The following ZNF606 variants were observed in gnomAD, a reference collection of about 807,000 sequenced individuals.
The protein encoded by ZNF606 is zinc finger protein 606.
Under a neutral mutation model 74.9 loss-of-function variants are expected in ZNF606, and 37 were observed. That is an observed-to-expected ratio of 0.49 (90% CI 0.38 to 0.65). The LOEUF (loss-of-function observed/expected upper bound fraction) is 0.65. ZNF606 is among the 30% of genes least tolerant of loss of function. ZNF606 has a pLI of 0.00. For synonymous variants in ZNF606, 328 were observed against 312.4 expected, an observed-to-expected ratio of 1.05 and a Z score of -0.53; for missense variants, 852 against 952.9, an observed-to-expected ratio of 0.89 and a Z score of 1.39.
chr19:58,002,996 G>A, upstream of ZNF606: 1 of 454,562 alleles, frequency 2.2e-6, no homozygotes, highest in South Asian at 1.6e-5. Context: ...TTGTTGTCCC[G>A]GTCCCAGACC....
At chr19:57,989,639 G>T (rs549956133) in intron 4 of ZNF606, among the ~76,000 whole-genome samples, 4 of 151,898 alleles carry the variant, frequency 2.6e-5, no homozygotes, top group Admixed American at 2.0e-4. Context: ...TAGAGACAGG[G>T]TTTTGCCATG....
chr19:57,995,709 C>T (rs2073329569), intron 4 of ZNF606, among the ~76,000 whole-genome samples: 1 of 152,106 alleles, frequency 6.6e-6, no homozygotes, highest in Non-Finnish European at 1.5e-5. Flanking sequence ...ATCCTAGCTA[C>T]TTGGGAGGCT....
intron 4 of ZNF606, among the ~76,000 whole-genome samples, chr19:57,989,834 C>G (rs961139950): frequency 6.6e-6 from 1 of 151,466 alleles, no homozygotes; most frequent in Non-Finnish European, 1.5e-5. Flanking sequence ...GGGCGGATCA[C>G]GAGCTCAGGA....
Position 57,988,509 on chromosome 19 carries a change from G to A in ZNF606, c.304+86C>T, listed in dbSNP as rs146521905. The A allele has an allele frequency of 6.5e-3, 10,038 of 1,539,278 alleles. 44 individuals carry two copies. Among genetic ancestry groups the A allele is most frequent in the Non-Finnish European group, 7.8e-3 (8,912 of 1,139,796 alleles). ...TCAGCTCTTCTGAGACACCACCCTC[G>A]CCCCTGCAATGAGCTTCTAAACATG... On this transcript the variant is annotated intron_variant, in intron 5 of 6. Transcript: ENST00000551380.
intron 4 of ZNF606, chr19:57,997,852 G>A (rs893272241): frequency 6.6e-6 from 1 of 152,158 alleles, no homozygotes; most frequent in Non-Finnish European, 1.5e-5. Flanking sequence ...TGTAAGAGCA[G>A]CAAACCTCAT....
chr19:57,978,223 T>C lies in ZNF606; in HGVS notation c.*78A>G, dbSNP rs2073018466. ...GTCTTACTGAACTCTTAATGAAAAA[T>C]GTCCCCTCTTGATTATGTTTATAGG... On this transcript the variant is annotated 3_prime_UTR_variant, in exon 7 of 7. Coordinates refer to ENST00000551380, the MANE Select transcript of ZNF606 (RefSeq NM_001348022.3). The surrounding 1 kb of genome is among the most constrained non-coding windows in gnomAD (Gnocchi z 4.4). 7.2e-7 allele frequency: 1 copy of C among 1,382,600 alleles called. No homozygotes were observed. The highest frequency in any genetic ancestry group is 9.7e-7 in the Non-Finnish European group (1 of 1,032,068). 85.6% of individuals were successfully genotyped at this position (1,382,600 alleles called of 1,614,324 possible).
intron 4 of ZNF606, among the ~76,000 whole-genome samples, chr19:57,994,859 TAG>T (rs1212730417): frequency 9.9e-5 from 15 of 152,120 alleles, no homozygotes; most frequent in African/African-American, 3.1e-4. Flanking sequence ...CGCCCCCTTG[TAG>T]AGACATGCGG....
chr19:57,996,715 A>T (rs993404128), intron 4 of ZNF606, among the ~76,000 whole-genome samples: 1 of 152,130 alleles, frequency 6.6e-6, no homozygotes, highest in Non-Finnish European at 1.5e-5. Context: ...AAGGGTGCTA[A>T]AGAGAGAAGA....
chr19:58,001,234 T>C (rs1199981804), intron 2 of ZNF606, 55 bp downstream of exon 2: 8 of 1,604,998 alleles, frequency 5.0e-6, no homozygotes, highest in South Asian at 1.1e-5. Context: ...CTCTGACCCA[T>C]GACTGCAGCA....
chr19:58,000,561 C>T (rs770827509), intron 3 of ZNF606, 122 bp downstream of exon 3: 1 of 1,065,116 alleles, frequency 9.4e-7, no homozygotes, highest in South Asian at 1.3e-5. Flanking sequence ...TGCACAGAGA[C>T]AGATCTGGAC....
In ZNF606 at chr19:57,981,981, T is replaced by C. The variant is rs144676643; in HGVS notation, c.401-1702A>G. Reference sequence around the variant, plus strand: ...AGTTTAATACACAGGAACTGCCTATTATCACTGCTTAAGTATCAATCCTCT... The same window carrying C: ...AGTTTAATACACAGGAACTGCCTATCATCACTGCTTAAGTATCAATCCTCT... On this transcript the variant is annotated intron_variant, in intron 6 of 6. Transcript: ENST00000551380. 2.4e-3 allele frequency among the ~76,000 whole-genome samples: 361 copies of C among 152,350 alleles called. 3 individuals are homozygous for C. The highest frequency in any genetic ancestry group is 8.0e-3 in the African/African-American group (334 of 41,580).
intron 1 of ZNF606, 187 bp downstream of exon 1, chr19:58,002,209 G>A (rs749613713): frequency 3.5e-5 from 16 of 456,722 alleles, no homozygotes; most frequent in Non-Finnish European, 1.3e-5. Context: ...ACCCAGGTCT[G>A]ACGTCCTTCA....
intron 6 of ZNF606, among the ~76,000 whole-genome samples, chr19:57,982,338 C>CTTAT (rs1335378370): frequency 6.6e-6 from 1 of 152,162 alleles, no homozygotes; most frequent in African/African-American, 2.4e-5. Flanking sequence ...CCACCACAAT[C>CTTAT]TTATAAAAGG....
intron 4 of ZNF606, among the ~76,000 whole-genome samples, chr19:57,996,117 A>C (rs1293699838): frequency 1.3e-5 from 2 of 152,222 alleles, no homozygotes; most frequent in African/African-American, 4.8e-5. Context: ...TGTAAGCCCC[A>C]TGGGCTAAAA....
At chr19:57,986,667 G>A (rs1175169915) in intron 6 of ZNF606, among the ~76,000 whole-genome samples, 1 of 152,094 alleles carries the variant, frequency 6.6e-6, no homozygotes, top group African/African-American at 2.4e-5. Flanking sequence ...AACACACAAT[G>A]TATAAAGATG....
intron 2 of ZNF606, 43 bp downstream of exon 2, chr19:58,001,246 C>G: frequency 6.2e-7 from 1 of 1,610,404 alleles, no homozygotes; most frequent in Non-Finnish European, 8.5e-7. Flanking sequence ...ACTGCAGCAG[C>G]TAATGATAGG....
chr19:57,988,701 G>C lies in ZNF606; in HGVS notation c.198C>G (p.Asp66Glu). 1 of 1,614,110 alleles carries C rather than the reference G, an allele frequency of 6.2e-7. No homozygotes were observed. The highest frequency in any genetic ancestry group is 8.5e-7 in the Non-Finnish European group (1 of 1,180,042). The change falls in exon 5 of 7, where the codon GAC becomes GAG. Residue 66 changes from aspartate (D) to glutamate (E), a missense_variant. Asp to Glu is a conservative substitution (Grantham distance 45). Coordinates refer to ENST00000551380, the MANE Select transcript of ZNF606 (RefSeq NM_001348022.3). ...AQVQEPVTFK[D>E]VAVDFTQEEW... The stretch of plus-strand genomic sequence containing the variant: ...CTTCTTGGGTGAAGTCCACGGCCAC[G>C]TCCTTGAAGGTCACTGGTTCCTAAA...
intron 6 of ZNF606, among the ~76,000 whole-genome samples, chr19:57,986,544 T>C (rs915291424): frequency 1.3e-5 from 2 of 152,278 alleles, no homozygotes; most frequent in South Asian, 4.1e-4. Context: ...GCAATAAAGA[T>C]AGCTACATAA....
At chr19:58,002,043 G>T (rs939054275) in intron 1 of ZNF606, 1 of 387,558 alleles carries the variant, frequency 2.6e-6, no homozygotes. Context: ...GGATTCCTGG[G>T]TATGTGTATA....
Sources: allele counts gnomAD v4.1 joint callset (sites outside exome capture counted in the v4.1 genomes callset), GRCh38; gene constraint gnomAD v4.1.1; non-coding constraint Gnocchi (gnomAD v3.1); transcripts MANE v1.5; gene names NCBI Gene and HGNC (gene_info 2026-07-23, HGNC 2026-07-21).